ITGB1: variants seen among roughly 807,000 people sequenced by gnomAD.
ITGB1 encodes the protein integrin beta-1.
Under a neutral mutation model 86.5 loss-of-function variants are expected in ITGB1, and 24 were observed. The ratio of observed to expected loss-of-function variants is 0.28; its 90% CI spans 0.20 to 0.39. The LOEUF (loss-of-function observed/expected upper bound fraction) is 0.39. ITGB1 is among the 10% of genes least tolerant of loss of function. ITGB1 has a pLI of 1.00. For missense variants in ITGB1, 556 were observed against 946.9 expected (o/e 0.59, Z 5.42); for synonymous variants, 323 against 316.8 (o/e 1.02, Z -0.21).
chr10:32,936,767 C>T (rs554926521), intron 1 of ITGB1, among the ~76,000 whole-genome samples: 1 of 152,184 alleles, frequency 6.6e-6, no homozygotes, highest in Non-Finnish European at 1.5e-5. Context: ...TAACTACTTA[C>T]TGCTCTTGGA....
intron 15 of ITGB1, among the ~76,000 whole-genome samples, chr10:32,903,755 C>G (rs1353144934): frequency 6.6e-6 from 1 of 152,128 alleles, no homozygotes; most frequent in Non-Finnish European, 1.5e-5. Flanking sequence ...GAAGCTAATA[C>G]ATTATACAGC....
intron 2 of ITGB1, chr10:32,932,815 A>C (rs1295594968): frequency 1.2e-5 from 5 of 405,480 alleles, no homozygotes; most frequent in East Asian, 9.3e-5. Context: ...TATGGGGTAC[A>C]TGAGATATTT....
chr10:32,944,869 GGAT>G, intron 1 of ITGB1: 1 of 1,322,134 alleles, frequency 7.6e-7, no homozygotes, highest in Non-Finnish European at 1.1e-6. Flanking sequence ...TTCAGCATGA[GGAT>G]GATAAACCAG....
At chr10:32,902,419 A>T (rs2094884326) in intron 15 of ITGB1, among the ~76,000 whole-genome samples, 1 of 152,204 alleles carries the variant, frequency 6.6e-6, no homozygotes, top group African/African-American at 2.4e-5. Flanking sequence ...CCTTTTCCTT[A>T]AAAATTCTCT....
At chr10:32,912,155 C>A (rs769946522) in intron 11 of ITGB1, 31 bp from the exon 12 acceptor site, 2 of 1,575,518 alleles carry the variant, frequency 1.3e-6, no homozygotes, top group African/African-American at 1.4e-5. Context: ...TGCAATCACA[C>A]AAAACAAAAA....
chr10:32,907,872 A>G (rs886697242), intron 15 of ITGB1, among the ~76,000 whole-genome samples: 4 of 152,188 alleles, frequency 2.6e-5, no homozygotes, highest in South Asian at 2.1e-4. Flanking sequence ...AATTTCTAAG[A>G]AAGTTTACAA....
chr10:32,951,378 A>G (rs2095042293), intron 1 of ITGB1, among the ~76,000 whole-genome samples: 1 of 152,058 alleles, frequency 6.6e-6, no homozygotes, highest in Admixed American at 6.6e-5. Context: ...TCTAATGGTG[A>G]TCTCATAAAC....
intron 1 of ITGB1, among the ~76,000 whole-genome samples, chr10:32,955,982 C>T (rs1241354008): frequency 6.6e-6 from 1 of 152,142 alleles, no homozygotes; most frequent in Admixed American, 6.5e-5. Flanking sequence ...CTATTTGCTT[C>T]CTGTTTACAG....
At chr10:32,911,810 G>T in intron 12 of ITGB1, 76 bp downstream of exon 12, 2 of 1,433,004 alleles carry the variant, frequency 1.4e-6, no homozygotes, top group Non-Finnish European at 1.9e-6. Flanking sequence ...TTCTACTTAT[G>T]CACCAACTAA....
At position 32,900,486 on chromosome 10, in the gene ITGB1, A is replaced by C. The variant is rs1414635317; in HGVS notation, c.*1084T>G. The C allele has an allele frequency of 6.6e-6, 1 of 151,242 alleles. No homozygotes were observed. Among genetic ancestry groups the C allele is most frequent in the Admixed American group, 6.6e-5 (1 of 15,078 alleles). The allele number at this position is 151,242 out of a possible 1,614,324, so 9.4% of individuals were successfully genotyped here. A position where few individuals can be genotyped will look rare whatever the true frequency, so the allele number is the denominator to read the frequency against. Reference sequence around the variant, plus strand: ...TAAAACTAAAGGCACTTAAAACAAGAATGTGACTAGTGTGAAACAAGATGG... The same window carrying C: ...TAAAACTAAAGGCACTTAAAACAAGCATGTGACTAGTGTGAAACAAGATGG... On this transcript the variant is annotated 3_prime_UTR_variant, in exon 16 of 16. Transcript: ENST00000302278.
chr10:32,932,041 T>C (rs2094985065), intron 3 of ITGB1, among the ~76,000 whole-genome samples: 1 of 152,102 alleles, frequency 6.6e-6, no homozygotes, highest in Admixed American at 6.6e-5. Context: ...AAGGTTAATT[T>C]ATACCTCCCC....
In ITGB1 at chr10:32,911,972, C is replaced by A. The variant is rs2094914793; in HGVS notation, c.1622G>T (p.Arg541Met). The change falls in exon 12 of 16, where the codon AGG (arginine) becomes ATG (methionine). Residue 541 changes from arginine (R) to methionine (M), a missense_variant. Physicochemically the swap from Arg to Met is moderately conservative, Grantham distance 91. This residue lies in a region of ITGB1 where 330 missense variants were observed against 531.5 expected (regional missense o/e 0.62). Coordinates refer to ENST00000302278, the MANE Select transcript of ITGB1 (RefSeq NM_002211.4). ...AGAATAAATTTCATTTGTATTATCC[C>A]TCTTCCTACAAACACACTGTCCGCA... The part of the protein sequence containing the change: ...CVCGQCVCRK[R>M]DNTNEIYSGK... The A allele has an allele frequency of 1.2e-6, 2 of 1,614,036 alleles. No individual in the cohort carries two copies. The highest frequency in any genetic ancestry group is 1.7e-6 in the Non-Finnish European group (2 of 1,180,036).
At chr10:32,915,809 C>T (rs1294359355) in intron 11 of ITGB1, among the ~76,000 whole-genome samples, 4 of 152,226 alleles carry the variant, frequency 2.6e-5, no homozygotes, top group Non-Finnish European at 4.4e-5. Context: ...CCCTAACTCA[C>T]GTTATGAGGC....
intron 15 of ITGB1, among the ~76,000 whole-genome samples, chr10:32,904,360 T>C (rs2094890614): frequency 6.6e-6 from 1 of 152,194 alleles, no homozygotes; most frequent in South Asian, 2.1e-4. Context: ...GTCATCTTTG[T>C]GCTCACTCTG....
intron 15 of ITGB1, among the ~76,000 whole-genome samples, chr10:32,904,756 T>A (rs1443456609): frequency 6.6e-6 from 1 of 152,200 alleles, no homozygotes; most frequent in Non-Finnish European, 1.5e-5. Flanking sequence ...TCTGTAGCCA[T>A]CAAATTGCCT....
intron 11 of ITGB1, among the ~76,000 whole-genome samples, chr10:32,917,187 T>C (rs1420169808): frequency 2.0e-5 from 3 of 152,118 alleles, no homozygotes; most frequent in Non-Finnish European, 4.4e-5. Context: ...ATACAAAAAT[T>C]AATTCAAGAT....
Position 32,908,461 on chromosome 10 carries a change from T to C in ITGB1, c.2238A>G (p.Ala746=). 2 of 1,612,510 alleles carry C rather than the reference T, an allele frequency of 1.2e-6. No individual in the cohort carries two copies. Among genetic ancestry groups the C allele is most frequent in the Non-Finnish European group, 1.7e-6 (2 of 1,178,568 alleles). Residue 746 remains alanine (A), a synonymous_variant, in exon 15 of 16, where the codon GCA becomes GCG. Transcript: ENST00000302278. ...VVAGIVLIGL[A]LLLIWKLLMI... is the part of the protein sequence containing the mutation. ...TTAAAAGCTTCCATATCAGCAGTAA[T>C]GCAAGGCCAATAAGAACAATTCCAG...
chr10:32,934,768 G>C (rs1449619224), intron 2 of ITGB1, among the ~76,000 whole-genome samples: 1 of 152,080 alleles, frequency 6.6e-6, no homozygotes, highest in African/African-American at 2.4e-5. Context: ...ACACATTAAT[G>C]AAGTGGAACC....
Position 32,932,424 on chromosome 10 carries a change from A to G in ITGB1, c.153+91T>C, listed in dbSNP as rs1593874564. 6.0e-5 allele frequency: 46 copies of G among 763,784 alleles called. No individual in the cohort carries two copies. In the East Asian group the frequency reaches 1.2e-3, roughly 19 times the overall value. 47.3% of individuals were successfully genotyped at this position (763,784 alleles called of 1,614,324 possible). A position where few individuals can be genotyped will look rare whatever the true frequency, so the allele number is the denominator to read the frequency against. On this transcript the variant is annotated intron_variant, in intron 3 of 15. Coordinates refer to ENST00000302278, the MANE Select transcript of ITGB1 (RefSeq NM_002211.4). ...AGGTTATTCATTTTATGATTTACAT[A>G]AAAATTAATATGTGCTTCTGAAGGA...
Sources: gnomAD v4.1 joint callset for allele counts (sites outside exome capture counted in the v4.1 genomes callset) on GRCh38, gnomAD v4.1.1 for gene constraint, gnomAD v4.1.1 regional missense constraint, MANE v1.5 for transcripts, NCBI Gene and HGNC (gene_info 2026-07-23, HGNC 2026-07-21) for gene names.